NLGN1: variants seen among roughly 807,000 people sequenced by gnomAD.
NLGN1 encodes neuroligin-1.
A neutral mutation model predicts 65.5 loss-of-function variants in NLGN1; 12 were observed. The observed-to-expected ratio is 0.18, with a 90% CI of 0.12 to 0.30. NLGN1 has a LOEUF of 0.30. Among genes scored for constraint, NLGN1 ranks in the 10% least tolerant of loss-of-function variants. NLGN1 has a pLI of 1.00. For synonymous variants in NLGN1, 350 were observed against 359.5 expected (o/e 0.97, Z 0.30); for missense variants, 750 against 1,007.1 (o/e 0.74, Z 3.46).
intron 3 of NLGN1, among the ~76,000 whole-genome samples, chr3:173,677,572 G>T (rs868104339): frequency 1.1e-4 from 17 of 152,124 alleles, no homozygotes; most frequent in Middle Eastern, 3.4e-3. Flanking sequence ...CAGAAATATT[G>T]TTGTGCAAAG....
intron 2 of NLGN1, among the ~76,000 whole-genome samples, chr3:173,516,971 A>G (rs1274544612): frequency 6.6e-6 from 1 of 152,080 alleles, no homozygotes; most frequent in African/African-American, 2.4e-5. Context: ...TTATCTTACT[A>G]TCATCACTCT....
At chr3:173,457,675 G>A (rs1157952867) in intron 2 of NLGN1, among the ~76,000 whole-genome samples, 4 of 152,118 alleles carry the variant, frequency 2.6e-5, no homozygotes, top group African/African-American at 9.7e-5. Flanking sequence ...TGTCACGGTA[G>A]TCTTGCTGAG....
intron 4 of NLGN1, among the ~76,000 whole-genome samples, chr3:174,203,470 G>A (rs1265280823): frequency 6.6e-6 from 1 of 152,156 alleles, no homozygotes; most frequent in African/African-American, 2.4e-5. Flanking sequence ...GGGAAGCCAT[G>A]GTAAGTATGC....
intron 3 of NLGN1, among the ~76,000 whole-genome samples, chr3:173,707,099 A>G (rs1768159345): frequency 1.3e-5 from 2 of 152,218 alleles, no homozygotes; most frequent in Admixed American, 6.5e-5. Context: ...TGTCAGCTTC[A>G]GGATTCATAG....
At chr3:173,856,061 G>A (rs1727884402) in intron 4 of NLGN1, among the ~76,000 whole-genome samples, 2 of 152,156 alleles carry the variant, frequency 1.3e-5, no homozygotes, top group African/African-American at 4.8e-5. Flanking sequence ...GGACCCTCTA[G>A]CAACAACATT....
intron 4 of NLGN1, among the ~76,000 whole-genome samples, chr3:173,948,709 A>T (rs1747655534): frequency 6.6e-6 from 1 of 152,202 alleles, no homozygotes. Context: ...TATTTACGTG[A>T]TATTTGTCTC....
At chr3:173,804,890 G>A (rs116837809) in intron 3 of NLGN1, among the ~76,000 whole-genome samples, 385 of 152,188 alleles carry the variant, frequency 2.5e-3, no homozygotes, top group African/African-American at 8.9e-3. Context: ...GCCAGACATG[G>A]TAGTAGGCGC....
chr3:174,037,696 A>G (rs923253678), intron 4 of NLGN1, among the ~76,000 whole-genome samples: 3 of 152,210 alleles, frequency 2.0e-5, no homozygotes, highest in Non-Finnish European at 4.4e-5. Context: ...AGGATACTTA[A>G]TTTTAAAAGA....
chr3:173,613,110 T>C (rs1752557359), intron 3 of NLGN1, among the ~76,000 whole-genome samples: 1 of 152,142 alleles, frequency 6.6e-6, no homozygotes, highest in Non-Finnish European at 1.5e-5. Flanking sequence ...GGAGACACAA[T>C]TCAACCTATA....
chr3:174,217,955 A>C (rs1737937423), intron 4 of NLGN1, among the ~76,000 whole-genome samples: 1 of 152,076 alleles, frequency 6.6e-6, no homozygotes, highest in South Asian at 2.1e-4. Context: ...GAGCCAGAAA[A>C]TAAATGAACT....
At chr3:173,734,537 C>T (rs1021646219) in intron 3 of NLGN1, among the ~76,000 whole-genome samples, 2 of 151,252 alleles carry the variant, frequency 1.3e-5, no homozygotes, top group African/African-American at 2.4e-5. Context: ...GCTGGGACTA[C>T]AGGAGTGTGC....
intron 1 of NLGN1, among the ~76,000 whole-genome samples, chr3:173,415,690 A>G (rs58904374): frequency 0.039 from 5,984 of 152,244 alleles, 406 homozygotes; most frequent in African/African-American, 0.14. Context: ...TAAACTCTAT[A>G]TGAATATAGG....
At chr3:173,868,358 T>A (rs1280048998) in intron 4 of NLGN1, among the ~76,000 whole-genome samples, 1 of 152,232 alleles carries the variant, frequency 6.6e-6, no homozygotes, top group Non-Finnish European at 1.5e-5. Context: ...TATATCGATA[T>A]AATTCAGAGA....
chr3:174,240,995 T>TC (rs1742696740), intron 4 of NLGN1, among the ~76,000 whole-genome samples: 1 of 152,186 alleles, frequency 6.6e-6, no homozygotes, highest in Non-Finnish European at 1.5e-5. Context: ...ACCATTGAGA[T>TC]GGCCTCTTGT....
intron 2 of NLGN1, among the ~76,000 whole-genome samples, chr3:173,547,707 T>A (rs1443549119): frequency 2.6e-5 from 4 of 152,134 alleles, no homozygotes; most frequent in Non-Finnish European, 5.9e-5. Context: ...GGGATGAGAA[T>A]AAAGTACTTA....
At chr3:173,793,334 C>T (rs774431723) in intron 3 of NLGN1, among the ~76,000 whole-genome samples, 2 of 151,792 alleles carry the variant, frequency 1.3e-5, no homozygotes, top group Non-Finnish European at 2.9e-5. Context: ...ATGATGAGAG[C>T]AAAGGAAGGA....
intron 4 of NLGN1, among the ~76,000 whole-genome samples, chr3:174,172,709 G>A (rs888978033): frequency 1.4e-4 from 22 of 152,130 alleles, no homozygotes; most frequent in African/African-American, 5.1e-4. Flanking sequence ...ATGCCAATTT[G>A]GTTACAATAG....
intron 3 of NLGN1, among the ~76,000 whole-genome samples, chr3:173,734,023 T>C (rs1453536586): frequency 6.6e-6 from 1 of 152,118 alleles, no homozygotes; most frequent in Non-Finnish European, 1.5e-5. Context: ...TGTTACTTCT[T>C]TCTGTGAGCA....
At position 174,211,050 on chromosome 3, in the gene NLGN1, G is replaced by A. The variant is rs182498682; in HGVS notation, c.647-64265G>A. Among the ~76,000 whole-genome samples, 370 of 152,210 alleles carry A rather than the reference G, an allele frequency of 2.4e-3. 1 individual carries two copies. Among genetic ancestry groups the A allele is most frequent in the African/African-American group, 7.9e-3 (330 of 41,524 alleles). On this transcript the variant is annotated intron_variant, in intron 4 of 6. Transcript: ENST00000457714. The stretch of plus-strand genomic sequence containing the variant: ...TCCCTTCTGATGTTCAGATGTGTTC[G>A]GAGTTTCTTCCTTCTGGTGGGTTCG...
Sources: allele counts gnomAD v4.1 joint callset (sites outside exome capture counted in the v4.1 genomes callset), GRCh38; gene constraint gnomAD v4.1.1; transcripts MANE v1.5; gene names NCBI Gene and HGNC (gene_info 2026-07-23, HGNC 2026-07-21).